The following GAPVD1 variants were observed in gnomAD, a reference collection of about 807,000 sequenced individuals.
GAPVD1 encodes GTPase activating protein and VPS9 domains 1.
Under a neutral mutation model 155.5 loss-of-function variants are expected in GAPVD1, and 35 were observed. That is an observed-to-expected ratio of 0.23 (90% confidence interval 0.17 to 0.30). The LOEUF (loss-of-function observed/expected upper bound fraction) is 0.30, where lower values mean the gene tolerates loss of function less well. Among genes scored for constraint, GAPVD1 ranks in the 10% least tolerant of loss-of-function variants. The pLI, the probability that GAPVD1 is intolerant of heterozygous loss-of-function variation, is 1.00. For missense variants in GAPVD1, 1,429 were observed against 1,775.7 expected, an observed-to-expected ratio of 0.80 and a Z score of 3.51; for synonymous variants, 636 against 619.7, an observed-to-expected ratio of 1.03 and a Z score of -0.39.
intron 12 of GAPVD1, 34 bp downstream of exon 12, chr9:125,326,623 G>A (rs771649384): frequency 2.7e-6 from 4 of 1,503,988 alleles, no homozygotes; most frequent in African/African-American, 2.7e-5. Context: ...AAATATCACG[G>A]TTTAGTTATT....
At chr9:125,281,284 T>C (rs1836748636) in intron 2 of GAPVD1, among the ~76,000 whole-genome samples, 1 of 152,170 alleles carries the variant, frequency 6.6e-6, no homozygotes, top group South Asian at 2.1e-4. Flanking sequence ...TTTAGAAGTA[T>C]ATTATTTGTT....
intron 2 of GAPVD1, among the ~76,000 whole-genome samples, chr9:125,282,035 C>T (rs1395319697): frequency 6.6e-6 from 1 of 152,170 alleles, no homozygotes; most frequent in East Asian, 1.9e-4. Context: ...AATCCCAACA[C>T]TTTGGAACGC....
chr9:125,331,916 T>C lies in GAPVD1; in HGVS notation c.2174-10T>C, dbSNP rs774435894. 1 of 1,613,600 alleles carries C rather than the reference T, an allele frequency of 6.2e-7. No individual in the cohort carries two copies. The highest frequency in any genetic ancestry group is 2.2e-5 in the East Asian group (1 of 44,884). ...TCACAAATGTAACATACCTCTTATC[T>C]TCTATTTAGAGGCCCCAGACCTAAA... On this transcript the variant is annotated splice_polypyrimidine_tract_variant and intron_variant, in intron 13 of 27. Transcript: ENST00000297933.
chr9:125,281,513 C>T (rs1337025857), intron 2 of GAPVD1, among the ~76,000 whole-genome samples: 1 of 152,056 alleles, frequency 6.6e-6, no homozygotes, highest in Non-Finnish European at 1.5e-5. Flanking sequence ...ACAGAGACAG[C>T]ATCAAGATCA....
In GAPVD1 at chr9:125,354,718, C is replaced by G. The variant is rs747674646; in HGVS notation, c.3634C>G (p.His1212Asp). 1 of 1,613,532 alleles carries G rather than the reference C, an allele frequency of 6.2e-7. No homozygotes were observed. The highest frequency in any genetic ancestry group is 1.1e-5 in the South Asian group (1 of 91,078). ...ACAAGGACTACAGACCACACAGGCTCACCTGGAAAGGCTATTGCAAAGAGT... is the reference window on the plus strand; with the variant it reads ...ACAAGGACTACAGACCACACAGGCTGACCTGGAAAGGCTATTGCAAAGAGT... ...CRQGLQTTQA[H>D]LERLLQRVLR... The change falls in exon 24 of 28, where the codon CAC becomes GAC. Residue 1212 changes from histidine to aspartate, a missense_variant. His to Asp is a moderately conservative substitution (Grantham distance 81). This residue lies in a region of GAPVD1 where 699 missense variants were observed against 826.0 expected (regional missense o/e 0.85). Transcript: ENST00000297933.
intron 22 of GAPVD1, 29 bp downstream of exon 22, chr9:125,350,433 T>A (rs764604579): frequency 7.1e-7 from 1 of 1,410,724 alleles, no homozygotes; most frequent in African/African-American, 1.4e-5. Context: ...GTTTAATTTT[T>A]CCTATGTTTA....
intron 1 of GAPVD1, among the ~76,000 whole-genome samples, chr9:125,265,248 T>A (rs1426921844): frequency 1.3e-5 from 2 of 152,076 alleles, no homozygotes; most frequent in African/African-American, 4.8e-5. Flanking sequence ...TTATTTCTCT[T>A]CATTCTTCTT....
At chr9:125,340,200 TA>T (rs1234101227) in intron 17 of GAPVD1, among the ~76,000 whole-genome samples, 2 of 152,170 alleles carry the variant, frequency 1.3e-5, no homozygotes, top group African/African-American at 4.8e-5. Flanking sequence ...TTTGTATTTT[TA>T]GTAGAGATGA....
chr9:125,297,848 C>T (rs544264636), intron 3 of GAPVD1, among the ~76,000 whole-genome samples: 5 of 152,234 alleles, frequency 3.3e-5, no homozygotes, highest in African/African-American at 1.2e-4. Context: ...CAGGTTCAAA[C>T]AATTCTCCTG....
intron 12 of GAPVD1, among the ~76,000 whole-genome samples, chr9:125,329,496 A>C (rs1433979663): frequency 6.6e-6 from 1 of 152,230 alleles, no homozygotes; most frequent in Non-Finnish European, 1.5e-5. Context: ...ATGGAGAGTC[A>C]AAGGTGAACT....
chr9:125,293,737 TTA>T (rs1287748329), intron 2 of GAPVD1, among the ~76,000 whole-genome samples: 4 of 127,854 alleles, frequency 3.1e-5, no homozygotes, highest in Non-Finnish European at 6.4e-5. Flanking sequence ...AATATATATT[TTA>T]TGTTTTTATA....
intron 1 of GAPVD1, among the ~76,000 whole-genome samples, chr9:125,267,440 A>T (rs1190162520): frequency 6.6e-6 from 1 of 151,616 alleles, no homozygotes; most frequent in Non-Finnish European, 1.5e-5. Context: ...ATTTTTTGAG[A>T]TGGAGTTTCA....
chr9:125,271,682 C>T (rs1834943899), intron 2 of GAPVD1, among the ~76,000 whole-genome samples: 1 of 152,038 alleles, frequency 6.6e-6, no homozygotes, highest in African/African-American at 2.4e-5. Context: ...TCCCGAGTAG[C>T]TGGGATTACA....
rs540671145 is a variant in GAPVD1, at chr9:125,326,253, C to CA, written c.1859-162dup. ...AATTGATAGGCCAGGCACAGTGGCTCACGCCTGTAATCCCAGCACTTTGGG... is the reference window on the plus strand; with the variant it reads ...AATTGATAGGCCAGGCACAGTGGCTCAACGCCTGTAATCCCAGCACTTTGGG... On this transcript the variant is annotated intron_variant, in intron 11 of 27. Transcript: ENST00000297933. Among the ~76,000 whole-genome samples, 27 of 152,320 alleles carry CA rather than the reference C, an allele frequency of 1.8e-4. 1 individual carries two copies. The highest frequency in any genetic ancestry group is 6.5e-4 in the African/African-American group (27 of 41,552).
Position 125,321,440 on chromosome 9 carries a change from A to G in GAPVD1, c.1610A>G (p.Asn537Ser). 6.2e-7 allele frequency: 1 copy of G among 1,612,346 alleles called. No individual in the cohort carries two copies. Among genetic ancestry groups the G allele is most frequent in the Non-Finnish European group, 8.5e-7 (1 of 1,178,796 alleles). The change falls in exon 10 of 28, where the codon AAC (asparagine) becomes AGC (serine). Residue 537 changes from asparagine to serine, a missense_variant. Asn to Ser is a conservative substitution (Grantham distance 46). Transcript: ENST00000297933. ...PGMMSENEVL[N>S]MQLSDGGQGD... ...TGACATTTTATTTTTTAGGTCCTAA[A>G]CATGCAGCTTTCGGATGGAGGACAA...
chr9:125,273,153 T>G (rs1224809043), intron 2 of GAPVD1, among the ~76,000 whole-genome samples: 2 of 152,224 alleles, frequency 1.3e-5, no homozygotes. Flanking sequence ...TTAGATTTGG[T>G]GGTATTTAAT....
At chr9:125,276,358 A>G (rs901383921) in intron 2 of GAPVD1, among the ~76,000 whole-genome samples, 5 of 152,142 alleles carry the variant, frequency 3.3e-5, no homozygotes, top group African/African-American at 1.2e-4. Context: ...ACTTGTTTCA[A>G]ATTTTTTCTC....
chr9:125,354,730 C>T lies in GAPVD1; in HGVS notation c.3646C>T (p.Leu1216=), dbSNP rs772911935. The stretch of plus-strand genomic sequence containing the variant: ...GACCACACAGGCTCACCTGGAAAGG[C>T]TATTGCAAAGAGTTTTGCGGGACAA... The part of the protein sequence containing the change: ...LQTTQAHLER[L]LQRVLRDKEV... The change falls in exon 24 of 28, where the codon CTA becomes TTA. Residue 1216 remains leucine, a synonymous_variant. Transcript: ENST00000297933. The T allele has an allele frequency of 6.2e-7, 1 of 1,613,074 alleles. No homozygotes were observed. Among genetic ancestry groups the T allele is most frequent in the Admixed American group, 1.7e-5 (1 of 60,020 alleles).
intron 8 of GAPVD1, chr9:125,309,312 T>C (rs1054544056): frequency 1.3e-5 from 2 of 152,056 alleles, no homozygotes; most frequent in East Asian, 1.9e-4. Context: ...TTTACACTTA[T>C]TGGTGTTTTT....
Sources: allele counts gnomAD v4.1 joint callset (sites outside exome capture counted in the v4.1 genomes callset), GRCh38; gene constraint gnomAD v4.1.1; regional missense constraint gnomAD v4.1.1; transcripts MANE v1.5; gene names NCBI Gene and HGNC (gene_info 2026-07-23, HGNC 2026-07-21).